The following CDCP1 variants were observed in gnomAD, a reference collection of about 807,000 sequenced individuals.
The protein encoded by CDCP1 is CUB domain-containing protein 1.
A neutral mutation model predicts 60.2 loss-of-function variants in CDCP1; 29 were observed. The observed-to-expected ratio is 0.48, with a 90% CI of 0.36 to 0.66. CDCP1 has a LOEUF of 0.66. Ranked by LOEUF, CDCP1 falls within the 30% of genes least tolerant of loss-of-function variation. The pLI, the probability that CDCP1 is intolerant of heterozygous loss-of-function variation, is 0.00. For missense variants in CDCP1, 876 were observed against 1,074.3 expected, an observed-to-expected ratio of 0.82 and a Z score of 2.58; for synonymous variants, 387 against 431.1, an observed-to-expected ratio of 0.90 and a Z score of 1.27.
rs1698710987 is a variant in CDCP1 at position 45,112,370 on chromosome 3, C to A, written c.368G>T (p.Arg123Ile). The A allele has an allele frequency of 2.5e-6, 4 of 1,614,252 alleles. No individual in the cohort carries two copies. The East Asian group carries it at 8.9e-5, about 36-fold the overall frequency. Residue 123 changes from arginine (R) to isoleucine (I), a missense_variant, in exon 3 of 9, where the codon AGA becomes ATA. By Grantham distance (97) the Arg-to-Ile change is moderately conservative (BLOSUM62 -3). This residue lies in a region of CDCP1 where 726 missense variants were observed against 935.7 expected (regional missense o/e 0.78). Transcript: ENST00000296129. ...PSTSLLPTLN[R>I]TFIWDVKAHK... ...AGCTTTGACATCCCAGATGAAAGTT[C>A]TGTTGAGGGTAGGCAACAACGATGT...
Position 45,108,912 on chromosome 3 carries a change from C to CAT in CDCP1, c.1024+1559_1024+1560dup, listed in dbSNP as rs535146697. Among the ~76,000 whole-genome samples, 15 of 43,964 alleles carry CAT rather than the reference C, an allele frequency of 3.4e-4. 6 individuals are homozygous for CAT. The East Asian group carries it at 6.4e-3, about 19-fold the overall frequency. 28.8% of individuals were successfully genotyped at this position (43,964 alleles called of 152,430 possible). A position where few individuals can be genotyped will look rare whatever the true frequency, so the allele number is the denominator to read the frequency against. ...ACATATATATATATATGCATGTATA[C>CAT]ATATATATATATATGCATGTATACA... is the stretch of plus-strand genomic sequence containing the variant. On this transcript the variant is annotated intron_variant, in intron 4 of 8. Coordinates refer to ENST00000296129, the MANE Select transcript of CDCP1 (RefSeq NM_022842.5).
intron 4 of CDCP1, among the ~76,000 whole-genome samples, chr3:45,096,623 C>CAAAAAAAAAAA (rs5848726): frequency 9.4e-5 from 5 of 53,178 alleles, no homozygotes; most frequent in Non-Finnish European, 1.3e-4. Flanking sequence ...GACTCCGTCT[C>CAAAAAAAAAAA]AAAAAAAAAA....
intron 8 of CDCP1, among the ~76,000 whole-genome samples, chr3:45,086,704 G>A (rs1698201526): frequency 6.6e-6 from 1 of 152,226 alleles, no homozygotes; most frequent in Non-Finnish European, 1.5e-5. Flanking sequence ...ACAAAATTCA[G>A]GCTGCAGTGC....
At chr3:45,088,141 G>A (rs1698231566) in intron 8 of CDCP1, among the ~76,000 whole-genome samples, 2 of 152,156 alleles carry the variant, frequency 1.3e-5, no homozygotes, top group Non-Finnish European at 2.9e-5. Flanking sequence ...ATACAGTTTG[G>A]CGGCAGCACG....
In CDCP1 at chr3:45,091,044, A is replaced by G. The variant is rs140112212; in HGVS notation, c.1993+129T>C. 5.1e-4 allele frequency: 514 copies of G among 1,013,756 alleles called. 3 individuals are homozygous for G. The African/African-American group carries it at 7.1e-3, about 14-fold the overall frequency. 62.8% of individuals were successfully genotyped at this position (1,013,756 alleles called of 1,614,324 possible). Reference sequence around the variant, plus strand: ...GTTTGTTACTCAGCACTATTGATGCAATAGCTGACTGATACATGGACAGTC... The same window carrying G: ...GTTTGTTACTCAGCACTATTGATGCGATAGCTGACTGATACATGGACAGTC... On this transcript the variant is annotated intron_variant, in intron 7 of 8. Coordinates refer to ENST00000296129, the MANE Select transcript of CDCP1 (RefSeq NM_022842.5). This position sits in a 1 kb window ranked among gnomAD's most constrained non-coding sequence, Gnocchi z 4.8.
At chr3:45,101,563 T>C (rs1316034531) in intron 4 of CDCP1, among the ~76,000 whole-genome samples, 3 of 152,156 alleles carry the variant, frequency 2.0e-5, no homozygotes, top group African/African-American at 7.2e-5. Context: ...ATAGTGAAGC[T>C]GTTCCTTAAT....
chr3:45,090,182 C>G (rs1457130046), intron 7 of CDCP1, among the ~76,000 whole-genome samples: 1 of 152,144 alleles, frequency 6.6e-6, no homozygotes, highest in Non-Finnish European at 1.5e-5. Flanking sequence ...CTTGGATGGA[C>G]CTTCAATCAC....
rs944532641 is a variant in CDCP1, at chr3:45,087,687, A to G, written c.2081+1367T>C. Among the ~76,000 whole-genome samples, 16 of 152,298 alleles carry G rather than the reference A, an allele frequency of 1.1e-4. No individual in the cohort carries two copies. The East Asian group carries it at 2.9e-3, about 28-fold the overall frequency. ...TAGACAGTCTTGTTGTAGACTAGGA[A>G]TTTCAGTTCTTTGCTCAGGTCCACA... On this transcript the variant is annotated intron_variant, in intron 8 of 8. Transcript: ENST00000296129.
chr3:45,110,213 G>A, intron 4 of CDCP1: 2 of 1,344,004 alleles, frequency 1.5e-6, no homozygotes, highest in South Asian at 1.8e-5. Context: ...ACCTTTCAAT[G>A]CCTTCGTTAA....
chr3:45,093,291 A>G lies in CDCP1; in HGVS notation c.1613T>C (p.Ile538Thr). 1.2e-6 allele frequency: 2 copies of G among 1,614,152 alleles called. No individual in the cohort carries two copies. Among genetic ancestry groups the G allele is most frequent in the Non-Finnish European group, 1.7e-6 (2 of 1,180,004 alleles). ...ASRQGLTVSFIPYFKEEGVFT... is the reference protein window; with the variant it reads ...ASRQGLTVSFTPYFKEEGVFT... The stretch of plus-strand genomic sequence containing the variant: ...ACCCCCCTTACCTTTGAAATAAGGT[A>G]TAAAGGACACCGTCAGACCCTGCCT... The change falls in exon 6 of 9, where the codon ATA (isoleucine) becomes ACA (threonine). Residue 538 changes from isoleucine (I) to threonine (T), a missense_variant. Transcript: ENST00000296129.
rs982747784 is a variant in CDCP1, at chr3:45,083,071, A to G, written c.*2567T>C. The G allele has an allele frequency of 6.6e-6, 1 of 152,244 alleles. No individual in the cohort carries two copies. Among genetic ancestry groups the G allele is most frequent in the Non-Finnish European group, 1.5e-5 (1 of 68,048 alleles). 9.4% of individuals were successfully genotyped at this position (152,244 alleles called of 1,614,324 possible). On this transcript the variant is annotated 3_prime_UTR_variant, in exon 9 of 9. Coordinates refer to ENST00000296129, the MANE Select transcript of CDCP1 (RefSeq NM_022842.5). ...CAAGTAGCCAGCCTAAGGAAGGCCA[A>G]TCCCACCTTGGGTGGAATGCAGGGC... is the stretch of plus-strand genomic sequence containing the variant.
chr3:45,110,192 C>A lies in CDCP1; in HGVS notation c.1024+281G>T, dbSNP rs964163716. ...ACATTGCAGGGTCAAGACATAAGAT[C>A]TAGAAAAATGACCTTTCAATGCCTT... On this transcript the variant is annotated intron_variant, in intron 4 of 8. Coordinates refer to ENST00000296129, the MANE Select transcript of CDCP1 (RefSeq NM_022842.5). 7 of 1,289,062 alleles carry A rather than the reference C, an allele frequency of 5.4e-6. No individual in the cohort carries two copies. The African/African-American group carries it at 9.0e-5, about 16-fold the overall frequency. 79.9% of individuals were successfully genotyped at this position (1,289,062 alleles called of 1,614,324 possible). A position where few individuals can be genotyped will look rare whatever the true frequency, so the allele number is the denominator to read the frequency against.
At chr3:45,118,844 A>G (rs1698837091) in intron 1 of CDCP1, among the ~76,000 whole-genome samples, 1 of 152,224 alleles carries the variant, frequency 6.6e-6, no homozygotes. Context: ...TCTTGTTTGG[A>G]TTATTAATTT....
rs1227008768 is a variant in CDCP1, at chr3:45,089,293, C to CA, written c.1994-153dup. 9.3e-6 allele frequency: 6 copies of CA among 642,892 alleles called. No individual in the cohort carries two copies. The African/African-American group carries it at 1.1e-4, about 12-fold the overall frequency. The allele number at this position is 642,892 out of a possible 1,614,324, so 39.8% of individuals were successfully genotyped here. A position where few individuals can be genotyped will look rare whatever the true frequency, so the allele number is the denominator to read the frequency against. ...TGTGCACATGGGGCTCCTCATATCA[C>CA]AAAGTGTTTATTTCCTTTCCTCTTG... On this transcript the variant is annotated intron_variant, in intron 7 of 8. Coordinates refer to ENST00000296129, the MANE Select transcript of CDCP1 (RefSeq NM_022842.5).
intron 7 of CDCP1, 105 bp from the exon 8 acceptor site, chr3:45,089,246 G>A (rs976286070): frequency 2.4e-6 from 2 of 844,930 alleles, no homozygotes; most frequent in East Asian, 2.6e-5. Context: ...CAAAGGTGGA[G>A]CGCCATACAT....
At chr3:45,114,232 T>C (rs1397964333) in intron 2 of CDCP1, among the ~76,000 whole-genome samples, 1 of 152,186 alleles carries the variant, frequency 6.6e-6, no homozygotes, top group Admixed American at 6.5e-5. Context: ...TTTTTTAGGA[T>C]GAACACACAG....
At chr3:45,122,580 G>A (rs1348911425) in intron 1 of CDCP1, among the ~76,000 whole-genome samples, 3 of 151,570 alleles carry the variant, frequency 2.0e-5, no homozygotes, top group Non-Finnish European at 2.9e-5. Flanking sequence ...TCAGTCTCCC[G>A]AGTAGCTGGG....
intron 2 of CDCP1, among the ~76,000 whole-genome samples, chr3:45,117,187 C>G (rs1698806990): frequency 6.6e-6 from 1 of 152,120 alleles, no homozygotes; most frequent in African/African-American, 2.4e-5. Flanking sequence ...GTTAATACAT[C>G]TATTCATCCT....
At chr3:45,102,153 C>G (rs1576087891) in intron 4 of CDCP1, among the ~76,000 whole-genome samples, 1 of 151,926 alleles carries the variant, frequency 6.6e-6, no homozygotes, top group Admixed American at 6.5e-5. Flanking sequence ...CTCACTGCAA[C>G]CTCTGCCTCC....
Sources: gnomAD v4.1 joint callset for allele counts (sites outside exome capture counted in the v4.1 genomes callset) on GRCh38, gnomAD v4.1.1 for gene constraint, gnomAD v4.1.1 regional missense constraint, Gnocchi (gnomAD v3.1) non-coding constraint, MANE v1.5 for transcripts, NCBI Gene and HGNC (gene_info 2026-07-23, HGNC 2026-07-21) for gene names.